TRIM58: variants seen among roughly 807,000 people sequenced by gnomAD.
The protein encoded by TRIM58 is tripartite motif containing 58, also known as E3 ubiquitin-protein ligase TRIM58.
TRIM58 carries 38 observed loss-of-function variants against 34.1 expected under a neutral mutation model. The ratio of observed to expected loss-of-function variants is 1.12; its 90% CI spans 0.86 to 1.46. The LOEUF (loss-of-function observed/expected upper bound fraction) is 1.46. TRIM58 is among the 40% of genes most tolerant of loss of function. TRIM58 has a pLI of 0.00. For missense variants in TRIM58, 677 were observed against 642.0 expected (o/e 1.05, Z -0.59); for synonymous variants, 273 against 275.7 (o/e 0.99, Z 0.10).
At position 247,864,874 on chromosome 1, in the gene TRIM58, T is replaced by C. The variant is rs1663885312; in HGVS notation, c.686T>C (p.Leu229Pro). ...KSRLVQQSKA[L>P]KELADELQER... is the part of the protein sequence containing the mutation. ...CGGCTGGTCCAGCAGAGCAAGGCCC[T>C]GAAGGAGCTGGCGGATGAGCTGCAG... The change falls in exon 3 of 6, where the codon CTG (leucine) becomes CCG (proline). Residue 229 changes from leucine (L) to proline (P), a missense_variant. Leu to Pro is a moderately conservative substitution (Grantham distance 98). Coordinates refer to ENST00000366481, the MANE Select transcript of TRIM58 (RefSeq NM_015431.4). 2 of 1,610,270 alleles carry C rather than the reference T, an allele frequency of 1.2e-6. No homozygotes were observed. The highest frequency in any genetic ancestry group is 2.0e-4 in the Middle Eastern group (1 of 5,126).
At chr1:247,859,447 T>C (rs999802389) in intron 1 of TRIM58, among the ~76,000 whole-genome samples, 10 of 152,186 alleles carry the variant, frequency 6.6e-5, no homozygotes, top group African/African-American at 2.2e-4. Flanking sequence ...AATTGATGTG[T>C]ATGTAGGATT....
chr1:247,870,878 C>T (rs1158944207), intron 5 of TRIM58, among the ~76,000 whole-genome samples: 1 of 61,456 alleles, frequency 1.6e-5, no homozygotes, highest in Non-Finnish European at 2.9e-5. Flanking sequence ...CCCAGAAGAA[C>T]GAGGATTAGT....
At chr1:247,865,797 A>T (rs1166524420) in intron 3 of TRIM58, among the ~76,000 whole-genome samples, 2 of 152,052 alleles carry the variant, frequency 1.3e-5, no homozygotes, top group African/African-American at 2.4e-5. Flanking sequence ...ATCTGGACCG[A>T]CTCCTATCTC....
chr1:247,861,417 C>G (rs73139849), intron 2 of TRIM58, among the ~76,000 whole-genome samples: 3,129 of 152,250 alleles, frequency 0.021, 115 homozygotes, highest in African/African-American at 0.071. Context: ...CTAGTAGAGG[C>G]AGGAATGCAG....
intron 5 of TRIM58, among the ~76,000 whole-genome samples, chr1:247,871,461 A>G (rs191568998): frequency 1.3e-5 from 2 of 151,876 alleles, no homozygotes; most frequent in Admixed American, 1.3e-4. Context: ...ATTGTTTACA[A>G]TTTCATTTTA....
rs147592698 is a variant in TRIM58 at position 247,864,730 on chromosome 1, G to A, written c.542G>A (p.Arg181His). 2.4e-4 allele frequency: 388 copies of A among 1,614,188 alleles called. 1 individual carries two copies. The East Asian group carries it at 6.9e-3, about 29-fold the overall frequency. Residue 181 changes from arginine (R) to histidine (H), a missense_variant, in exon 3 of 6, where the codon CGC (arginine) becomes CAC (histidine). Transcript: ENST00000366481. Reference protein sequence around the residue: ...WKEKVEMQRQRFRLEFEKHRG... With the variant: ...WKEKVEMQRQHFRLEFEKHRG... ...GAGAAAGTGGAAATGCAGAGGCAGC[G>A]CTTCAGATTGGAGTTTGAGAAGCAT...
At chr1:247,874,796 A>G (rs896715867) in intron 5 of TRIM58, among the ~76,000 whole-genome samples, 1 of 152,230 alleles carries the variant, frequency 6.6e-6, no homozygotes, top group Non-Finnish European at 1.5e-5. Context: ...GGTTTTCTCA[A>G]GGCCCAAATA....
At position 247,879,082 on chromosome 1, in the gene TRIM58, C is replaced by T. The variant is rs528852851; in HGVS notation, c.*2593C>T. On this transcript the variant is annotated 3_prime_UTR_variant, in exon 6 of 6. Coordinates refer to ENST00000366481, the MANE Select transcript of TRIM58 (RefSeq NM_015431.4). ...TTATATTCAGCTGTCCACTTGACAT[C>T]AAAATAGACATTTTGAACTCAATTT... 6.6e-6 allele frequency among the ~76,000 whole-genome samples: 1 copy of T among 151,792 alleles called. No homozygotes were observed. The highest frequency in any genetic ancestry group is 6.6e-5 in the Admixed American group (1 of 15,258).
chr1:247,867,458 C>T (rs1663955931), intron 3 of TRIM58, among the ~76,000 whole-genome samples: 1 of 152,120 alleles, frequency 6.6e-6, no homozygotes, highest in Admixed American at 6.5e-5. Context: ...CTTTGGGAGG[C>T]TGAGGTGGGT....
At chr1:247,873,293 T>C (rs1659192710) in intron 5 of TRIM58, among the ~76,000 whole-genome samples, 1 of 152,000 alleles carries the variant, frequency 6.6e-6, no homozygotes, top group African/African-American at 2.4e-5. Flanking sequence ...AAGATGGACA[T>C]GCGCAGTTTG....
chr1:247,875,500 T>C (rs1659261996), intron 5 of TRIM58, among the ~76,000 whole-genome samples: 2 of 152,046 alleles, frequency 1.3e-5, no homozygotes, highest in African/African-American at 4.8e-5. Flanking sequence ...TGAATAGCTC[T>C]GCACTCCAGC....
intron 3 of TRIM58, among the ~76,000 whole-genome samples, chr1:247,866,335 C>A (rs1472789797): frequency 2.0e-5 from 3 of 151,974 alleles, no homozygotes; most frequent in Non-Finnish European, 2.9e-5. Flanking sequence ...TGCCACCGCA[C>A]CTGGCTAATT....
intron 5 of TRIM58, among the ~76,000 whole-genome samples, chr1:247,872,415 A>G (rs1659153276): frequency 6.6e-6 from 1 of 152,212 alleles, no homozygotes; most frequent in Non-Finnish European, 1.5e-5. Flanking sequence ...GTTGGATTAT[A>G]TATGATGTGC....
intron 5 of TRIM58, among the ~76,000 whole-genome samples, chr1:247,874,189 G>A (rs763091937): frequency 6.6e-6 from 1 of 152,248 alleles, no homozygotes; most frequent in Non-Finnish European, 1.5e-5. Flanking sequence ...TCATGGTTCT[G>A]TAGGCTGTAC....
chr1:247,875,830 T>C (rs1659270999), intron 5 of TRIM58, 70 bp from the exon 6 acceptor site: 1 of 1,365,272 alleles, frequency 7.3e-7, no homozygotes, highest in Non-Finnish European at 1.0e-6. Context: ...GACTATTCTT[T>C]TCAGTGGTTT....
rs1659318778 is a variant in TRIM58 at position 247,877,556 on chromosome 1, C to T, written c.*1067C>T. 2 of 152,038 alleles carry T rather than the reference C, an allele frequency of 1.3e-5. No individual in the cohort carries two copies. Among genetic ancestry groups the T allele is most frequent in the African/African-American group, 4.8e-5 (2 of 41,390 alleles). The allele number at this position is 152,038 out of a possible 1,614,324, so 9.4% of individuals were successfully genotyped here. A position where few individuals can be genotyped will look rare whatever the true frequency, so the allele number is the denominator to read the frequency against. The stretch of plus-strand genomic sequence containing the variant: ...AATATCTCACCACTGTACTCCAGCC[C>T]AGTGCGAGACTCCATCTCAAAAAAG... On this transcript the variant is annotated 3_prime_UTR_variant, in exon 6 of 6. Transcript: ENST00000366481.
chr1:247,860,772 G>A (rs1663773823), intron 2 of TRIM58, 60 bp downstream of exon 2: 3 of 1,281,622 alleles, frequency 2.3e-6, no homozygotes, highest in East Asian at 2.3e-5. Flanking sequence ...ATTCGGGTCA[G>A]TAATTCTTCT....
chr1:247,868,239 C>T (rs1663975502), intron 5 of TRIM58, among the ~76,000 whole-genome samples, 176 bp downstream of exon 5: 1 of 152,164 alleles, frequency 6.6e-6, no homozygotes, highest in South Asian at 2.1e-4. Flanking sequence ...TGGCCCAGAT[C>T]AGCAGAAATT....
Position 247,876,342 on chromosome 1 carries a change from ACTCTT to A in TRIM58, c.1319_1323del (p.Phe440TrpfsTer11). On this transcript the variant is annotated frameshift_variant, in exon 6 of 6. Coordinates refer to ENST00000366481, the MANE Select transcript of TRIM58 (RefSeq NM_015431.4). LOFTEE classifies it low-confidence loss of function (END_TRUNC). ...GATCTTATATCTACACATTCAACCA[ACTCTT>A]CTCTGGTCTTCTTCGGCCTTACTTT... The A allele has an allele frequency of 1.2e-6, 2 of 1,613,680 alleles. No individual in the cohort carries two copies.
Sources: allele counts gnomAD v4.1 joint callset (sites outside exome capture counted in the v4.1 genomes callset), GRCh38; gene constraint gnomAD v4.1.1; transcripts MANE v1.5; gene names NCBI Gene and HGNC (gene_info 2026-07-23, HGNC 2026-07-21).